SLC5A12: variants seen among roughly 807,000 people sequenced by gnomAD.
SLC5A12 encodes sodium-coupled monocarboxylate transporter 2.
Under a neutral mutation model 72.7 loss-of-function variants are expected in SLC5A12, and 46 were observed. The observed-to-expected ratio is 0.63, with a 90% CI of 0.50 to 0.81. SLC5A12 has a LOEUF of 0.81. Ranked by LOEUF, SLC5A12 falls within the 30% of genes least tolerant of loss-of-function variation. The pLI is 0.00. For synonymous variants in SLC5A12, 275 were observed against 264.4 expected, an observed-to-expected ratio of 1.04 and a Z score of -0.39; for missense variants, 683 against 740.7, an observed-to-expected ratio of 0.92 and a Z score of 0.90.
intron 3 of SLC5A12, among the ~76,000 whole-genome samples, chr11:26,709,872 T>C (rs560120393): frequency 6.6e-6 from 1 of 150,502 alleles, no homozygotes; most frequent in Non-Finnish European, 1.5e-5. Context: ...TGAGTTTTAA[T>C]AGATCTTTGA....
chr11:26,704,992 A>C (rs1855050365), intron 4 of SLC5A12, among the ~76,000 whole-genome samples: 1 of 152,098 alleles, frequency 6.6e-6, no homozygotes, highest in Non-Finnish European at 1.5e-5. Flanking sequence ...AGGAGGATGA[A>C]TCTAATAGTA....
At chr11:26,707,039 A>G (rs1250997074) in intron 4 of SLC5A12, among the ~76,000 whole-genome samples, 1 of 151,744 alleles carries the variant, frequency 6.6e-6, no homozygotes, top group Non-Finnish European at 1.5e-5. Context: ...TTTAGGGAAG[A>G]TCTGTAAGTG....
chr11:26,712,986 T>A (rs1855267976), intron 1 of SLC5A12, among the ~76,000 whole-genome samples: 1 of 152,144 alleles, frequency 6.6e-6, no homozygotes, highest in African/African-American at 2.4e-5. Context: ...CCAAAAGTCT[T>A]CCTAGTGGAC....
At chr11:26,701,307 T>G (rs562375223) in intron 6 of SLC5A12, among the ~76,000 whole-genome samples, 7 of 152,214 alleles carry the variant, frequency 4.6e-5, no homozygotes, top group Non-Finnish European at 7.3e-5. Flanking sequence ...TTTTTCATCT[T>G]TCATTATTCT....
chr11:26,683,827 T>C lies in SLC5A12; in HGVS notation c.1238A>G (p.His413Arg). 1 of 1,596,506 alleles carries C rather than the reference T, an allele frequency of 6.3e-7. No homozygotes were observed. The highest frequency in any genetic ancestry group is 8.5e-7 in the Non-Finnish European group (1 of 1,172,058). Residue 413 changes from histidine to arginine, a missense_variant, in exon 11 of 15, where the codon CAC becomes CGC. By Grantham distance (29) the His-to-Arg change is conservative (BLOSUM62 0). Transcript: ENST00000396005. ...CAGCATTGGTCCTCCACACATGCCGTGAATGCTGAGGGAAGCCTGTGGAAC... is the reference window on the plus strand; with the variant it reads ...CAGCATTGGTCCTCCACACATGCCGCGAATGCTGAGGGAAGCCTGTGGAAC... ...GGVVQASLSIHGMCGGPMLGL... is the reference protein window; with the variant it reads ...GGVVQASLSIRGMCGGPMLGL...
intron 1 of SLC5A12, among the ~76,000 whole-genome samples, chr11:26,714,736 T>G (rs560711885): frequency 1.3e-5 from 2 of 152,256 alleles, no homozygotes; most frequent in Non-Finnish European, 2.9e-5. Flanking sequence ...ATTAGATAAA[T>G]GTTTCATGGC....
intron 8 of SLC5A12, among the ~76,000 whole-genome samples, chr11:26,695,570 C>A (rs952988366): frequency 6.6e-6 from 1 of 152,062 alleles, no homozygotes; most frequent in Admixed American, 6.5e-5. Flanking sequence ...AAATTAAAAT[C>A]TTTACGTGGT....
Position 26,721,721 on chromosome 11 carries a change from A to G in SLC5A12, c.-7T>C. ...CAAAGTTCTTCACCTCCATATTGGAAAGTATGACACCAGAGAGTTTCTTTC... is the reference window on the plus strand; with the variant it reads ...CAAAGTTCTTCACCTCCATATTGGAGAGTATGACACCAGAGAGTTTCTTTC... On this transcript the variant is annotated 5_prime_UTR_variant, in exon 1 of 15. Coordinates refer to ENST00000396005, the MANE Select transcript of SLC5A12 (RefSeq NM_178498.4). 6.2e-7 allele frequency: 1 copy of G among 1,610,180 alleles called. No homozygotes were observed. The highest frequency in any genetic ancestry group is 8.5e-7 in the Non-Finnish European group (1 of 1,178,090).
Position 26,683,831 on chromosome 11 carries a change from T to G in SLC5A12, c.1234A>C (p.Ile412Leu), listed in dbSNP as rs1185527731. The G allele has an allele frequency of 6.3e-7, 1 of 1,595,670 alleles. No individual in the cohort carries two copies. Among genetic ancestry groups the G allele is most frequent in the South Asian group, 1.1e-5 (1 of 87,670 alleles). The change falls in exon 11 of 15, where the codon ATT becomes CTT. Residue 412 changes from isoleucine (I) to leucine (L), a missense_variant. Coordinates refer to ENST00000396005, the MANE Select transcript of SLC5A12 (RefSeq NM_178498.4). Reference protein sequence around the residue: ...MGGVVQASLSIHGMCGGPMLG... With the variant: ...MGGVVQASLSLHGMCGGPMLG... ...ATTGGTCCTCCACACATGCCGTGAA[T>G]GCTGAGGGAAGCCTGTGGAACAAAG...
At chr11:26,697,720 G>A (rs544311886) in intron 7 of SLC5A12, among the ~76,000 whole-genome samples, 1 of 152,172 alleles carries the variant, frequency 6.6e-6, no homozygotes, top group East Asian at 1.9e-4. Context: ...CAGGCATTGT[G>A]GAAATAAGGG....
intron 14 of SLC5A12, 72 bp from the exon 15 acceptor site, chr11:26,671,323 G>T (rs1234557736): frequency 1.5e-5 from 20 of 1,344,666 alleles, no homozygotes; most frequent in East Asian, 5.4e-5. Context: ...AGAGAATCTT[G>T]TTTAGGCCTT....
In SLC5A12 at chr11:26,669,200, T is replaced by TTTCTTTCTTTCTTTCTTTC; in HGVS notation, c.*1883_*1901dup. 1 of 137,412 alleles carries TTTCTTTCTTTCTTTCTTTC rather than the reference T, an allele frequency of 7.3e-6. No individual in the cohort carries two copies. Among genetic ancestry groups the TTTCTTTCTTTCTTTCTTTC allele is most frequent in the African/African-American group, 2.9e-5 (1 of 34,960 alleles). The allele number at this position is 137,412 out of a possible 1,614,324, so 8.5% of individuals were successfully genotyped here. A position where few individuals can be genotyped will look rare whatever the true frequency, so the allele number is the denominator to read the frequency against. On this transcript the variant is annotated 3_prime_UTR_variant, in exon 15 of 15. Coordinates refer to ENST00000396005, the MANE Select transcript of SLC5A12 (RefSeq NM_178498.4). ...CTTTCTTTCTTCTTTTCTTTCTTTC[T>TTTCTTTCTTTCTTTCTTTC]TTCTTTCTTTCTTTCTTTCTCTCTC...
chr11:26,673,453 C>A lies in SLC5A12; in HGVS notation c.1656G>T (p.Lys552Asn). 1 of 1,611,910 alleles carries A rather than the reference C, an allele frequency of 6.2e-7. No homozygotes were observed. The highest frequency in any genetic ancestry group is 8.5e-7 in the Non-Finnish European group (1 of 1,178,930). Residue 552 changes from lysine to asparagine, a missense_variant, in exon 14 of 15, where the codon AAG becomes AAT. Coordinates refer to ENST00000396005, the MANE Select transcript of SLC5A12 (RefSeq NM_178498.4). ...VCNLFCFWSK[K>N]YKTLCWCGVQ... Reference sequence around the variant, plus strand: ...CTCCACACCAGCATAGTGTTTTGTACTTCTTAGACCAAAAGCAAAATAAAT... The same window carrying A: ...CTCCACACCAGCATAGTGTTTTGTAATTCTTAGACCAAAAGCAAAATAAAT...
chr11:26,684,543 G>A (rs1854485229), intron 10 of SLC5A12, among the ~76,000 whole-genome samples: 1 of 152,094 alleles, frequency 6.6e-6, no homozygotes. Context: ...GGAAAGGAGA[G>A]GTCAGGGTTT....
chr11:26,717,363 G>A (rs1855374651), intron 1 of SLC5A12, among the ~76,000 whole-genome samples: 1 of 151,784 alleles, frequency 6.6e-6, no homozygotes, highest in South Asian at 2.1e-4. Flanking sequence ...TATTAAATTA[G>A]GTAAATAATA....
chr11:26,678,225 G>A (rs1854308661), intron 13 of SLC5A12, among the ~76,000 whole-genome samples: 1 of 152,162 alleles, frequency 6.6e-6, no homozygotes, highest in African/African-American at 2.4e-5. Context: ...CTGGGATGAA[G>A]GGAAAAGAAC....
chr11:26,680,393 T>G (rs111232079), intron 12 of SLC5A12, among the ~76,000 whole-genome samples: 1 of 65,006 alleles, frequency 1.5e-5, no homozygotes, highest in Non-Finnish European at 4.3e-5. Flanking sequence ...GTATATATAT[T>G]CATATATATA....
Position 26,669,185 on chromosome 11 carries a change from T to TA in SLC5A12, c.*1916_*1917insT, listed in dbSNP as rs1491048504. On this transcript the variant is annotated 3_prime_UTR_variant, in exon 15 of 15. Coordinates refer to ENST00000396005, the MANE Select transcript of SLC5A12 (RefSeq NM_178498.4). Reference sequence around the variant, plus strand: ...CCTGTCTTTTTCTTTCTTTCTTTCTTCTTTTCTTTCTTTCTTTCTTTCTTT... The same window carrying TA: ...CCTGTCTTTTTCTTTCTTTCTTTCTTACTTTTCTTTCTTTCTTTCTTTCTTT... 1 of 82,452 alleles carries TA rather than the reference T, an allele frequency of 1.2e-5. No individual in the cohort carries two copies. The highest frequency in any genetic ancestry group is 1.2e-4 in the Admixed American group (1 of 8,258). 5.1% of individuals were successfully genotyped at this position (82,452 alleles called of 1,614,324 possible).
chr11:26,675,103 T>A (rs1463200895), intron 13 of SLC5A12, among the ~76,000 whole-genome samples: 11 of 152,174 alleles, frequency 7.2e-5, no homozygotes. Flanking sequence ...CAGAATAATT[T>A]AATTTGGGAC....
Sources: allele counts gnomAD v4.1 joint callset (sites outside exome capture counted in the v4.1 genomes callset), GRCh38; gene constraint gnomAD v4.1.1; transcripts MANE v1.5; gene names NCBI Gene and HGNC (gene_info 2026-07-23, HGNC 2026-07-21).